DLGAP2: variants seen among roughly 807,000 people sequenced by gnomAD.
DLGAP2 encodes DLG associated protein 2.
A neutral mutation model predicts 100.3 loss-of-function variants in DLGAP2; 26 were observed. The ratio of observed to expected loss-of-function variants is 0.26; its 90% confidence interval spans 0.19 to 0.36. DLGAP2 has a LOEUF of 0.36. DLGAP2 is among the 10% of genes least tolerant of loss of function. DLGAP2 has a pLI of 1.00. For missense variants in DLGAP2, 1,858 were observed against 1,453.2 expected, an observed-to-expected ratio of 1.28 and a Z score of -4.53; for synonymous variants, 886 against 630.1, an observed-to-expected ratio of 1.41 and a Z score of -6.08.
intron 3 of DLGAP2, among the ~76,000 whole-genome samples, chr8:1,457,657 C>T (rs745907553): frequency 6.6e-6 from 1 of 152,054 alleles, no homozygotes; most frequent in Non-Finnish European, 1.5e-5. Flanking sequence ...AATTTTTCCT[C>T]ACTATGTTAA....
intron 3 of DLGAP2, among the ~76,000 whole-genome samples, chr8:1,274,529 A>G (rs1799644256): frequency 6.7e-6 from 1 of 149,438 alleles, no homozygotes; most frequent in African/African-American, 2.4e-5. Flanking sequence ...AAACCGTAAA[A>G]TGAGTGACTT....
intron 2 of DLGAP2, among the ~76,000 whole-genome samples, chr8:1,089,873 GAC>G (rs1804114019): frequency 1.3e-5 from 2 of 152,214 alleles, no homozygotes; most frequent in African/African-American, 4.8e-5. Flanking sequence ...AGACACATGT[GAC>G]AGTTTCTTGC....
At position 1,191,395 on chromosome 8, in the gene DLGAP2, C is replaced by A. The variant is rs1055502232; in HGVS notation, c.74-67456C>A. On this transcript the variant is annotated intron_variant, in intron 2 of 14. Transcript: ENST00000637795. ...CCGTGTTAGCCAGGATGGTCTTGAT[C>A]TCCTGACCTTGTGATCTGCCCGCCT... Among the ~76,000 whole-genome samples, 6 of 152,148 alleles carry A rather than the reference C, an allele frequency of 3.9e-5. No homozygotes were observed. The South Asian group carries it at 1.2e-3, about 32-fold the overall frequency.
At chr8:1,476,357 C>T (rs542042281) in intron 3 of DLGAP2, among the ~76,000 whole-genome samples, 14 of 152,302 alleles carry the variant, frequency 9.2e-5, no homozygotes, top group East Asian at 7.7e-4. Flanking sequence ...AGCACATTCT[C>T]GGCTGCATCA....
intron 2 of DLGAP2, among the ~76,000 whole-genome samples, chr8:1,151,338 G>T (rs1354770353): frequency 6.6e-6 from 1 of 152,178 alleles, no homozygotes; most frequent in African/African-American, 2.4e-5. Flanking sequence ...AGTAAAAAGT[G>T]AAAAACTCAG....
chr8:1,278,634 C>G (rs1382710734), intron 3 of DLGAP2, among the ~76,000 whole-genome samples: 4 of 152,038 alleles, frequency 2.6e-5, no homozygotes. Flanking sequence ...AAAAGAGATC[C>G]CTGTGTAGCT....
intron 2 of DLGAP2, among the ~76,000 whole-genome samples, chr8:1,231,211 C>G (rs1254090759): frequency 6.6e-6 from 1 of 152,110 alleles, no homozygotes; most frequent in East Asian, 1.9e-4. Context: ...TAAAGACATA[C>G]ATGTAGTCAA....
intron 3 of DLGAP2, among the ~76,000 whole-genome samples, chr8:1,306,981 T>C (rs549613369): frequency 6.6e-6 from 1 of 152,168 alleles, no homozygotes; most frequent in South Asian, 2.1e-4. Context: ...ACATTGGACT[T>C]GACAGTGATC....
At chr8:1,019,028 G>C (rs1384817837) in intron 2 of DLGAP2, 2 of 152,178 alleles carry the variant, frequency 1.3e-5, no homozygotes, top group Non-Finnish European at 2.9e-5. Context: ...ATAGGAGGCA[G>C]CGACTGAGAA....
chr8:1,425,825 C>G (rs1358579555), intron 3 of DLGAP2, among the ~76,000 whole-genome samples: 1 of 152,136 alleles, frequency 6.6e-6, no homozygotes, highest in East Asian at 1.9e-4. Context: ...GACCGAGAAA[C>G]AGAGACAGCC....
At chr8:837,057 C>G (rs1004621800) in intron 1 of DLGAP2, among the ~76,000 whole-genome samples, 47 of 152,230 alleles carry the variant, frequency 3.1e-4, no homozygotes, top group African/African-American at 1.1e-3. Context: ...GGGTTCGAGT[C>G]CTATCTCGAC....
chr8:1,288,180 G>C (rs1274736198), intron 3 of DLGAP2, among the ~76,000 whole-genome samples: 3 of 110,384 alleles, frequency 2.7e-5, no homozygotes, highest in African/African-American at 7.4e-5. Flanking sequence ...AGGGGAACTA[G>C]TTTCGGTTGA....
intron 2 of DLGAP2, among the ~76,000 whole-genome samples, chr8:1,176,872 C>T (rs1434435034): frequency 1.3e-5 from 2 of 152,090 alleles, no homozygotes; most frequent in African/African-American, 4.8e-5. Flanking sequence ...GCAGAGAGAG[C>T]CAAGGACTAG....
intron 2 of DLGAP2, among the ~76,000 whole-genome samples, chr8:1,066,968 G>T (rs983746771): frequency 6.6e-6 from 1 of 152,204 alleles, no homozygotes; most frequent in Non-Finnish European, 1.5e-5. Context: ...GGCTTCTGCC[G>T]CATCCCCAGC....
intron 3 of DLGAP2, among the ~76,000 whole-genome samples, chr8:1,437,320 T>C (rs1380815514): frequency 1.3e-5 from 2 of 152,254 alleles, no homozygotes; most frequent in Non-Finnish European, 1.5e-5. Context: ...TTTGTATCAG[T>C]GCGCTCCACA....
chr8:774,356 G>C (rs1484949312), intron 1 of DLGAP2, among the ~76,000 whole-genome samples: 1 of 152,150 alleles, frequency 6.6e-6, no homozygotes, highest in Non-Finnish European at 1.5e-5. Flanking sequence ...AGTTTAATTA[G>C]ATCCCATTTG....
At chr8:1,665,489 C>T (rs894081077) in intron 8 of DLGAP2, among the ~76,000 whole-genome samples, 8 of 152,288 alleles carry the variant, frequency 5.3e-5, no homozygotes, top group African/African-American at 1.4e-4. Flanking sequence ...ACCAATTTGG[C>T]GTGTTTAATA....
intron 3 of DLGAP2, among the ~76,000 whole-genome samples, chr8:1,269,400 G>T (rs954133887): frequency 3.3e-5 from 5 of 152,220 alleles, no homozygotes; most frequent in Non-Finnish European, 5.9e-5. Context: ...CACAGCAGTT[G>T]CGGTGAGCCT....
chr8:979,790 AAC>A (rs1340092652), intron 2 of DLGAP2, among the ~76,000 whole-genome samples: 1 of 152,212 alleles, frequency 6.6e-6, no homozygotes, highest in Non-Finnish European at 1.5e-5. Context: ...TTTGAGATGT[AAC>A]AGTTTTGTCA....
Sources: gnomAD v4.1 joint callset for allele counts (sites outside exome capture counted in the v4.1 genomes callset) on GRCh38, gnomAD v4.1.1 for gene constraint, MANE v1.5 for transcripts, NCBI Gene and HGNC (gene_info 2026-07-23, HGNC 2026-07-21) for gene names.